NUDC: variants seen among roughly 807,000 people sequenced by gnomAD.
The protein encoded by NUDC is nuclear migration protein nudC.
A neutral mutation model predicts 45.0 loss-of-function variants in NUDC; 14 were observed. The observed-to-expected ratio is 0.31, with a 90% CI of 0.21 to 0.49. The LOEUF (loss-of-function observed/expected upper bound fraction) is 0.49, where lower values mean the gene tolerates loss of function less well. Among genes scored for constraint, NUDC ranks in the 20% least tolerant of loss-of-function variants. The pLI, the probability that NUDC is intolerant of heterozygous loss-of-function variation, is 0.99. For synonymous variants in NUDC, 153 were observed against 156.7 expected (o/e 0.98, Z 0.17); for missense variants, 323 against 426.2 (o/e 0.76, Z 2.13).
intron 2 of NUDC, chr1:26,911,118 T>C (rs2082023737): frequency 2.1e-6 from 1 of 471,122 alleles, no homozygotes; most frequent in African/African-American, 2.0e-5. Context: ...CTCTCTTTTG[T>C]CATCTGCAGG....
chr1:26,945,769 G>A (rs1363959160), intron 8 of NUDC, 83 bp downstream of exon 8: 6 of 970,318 alleles, frequency 6.2e-6, no homozygotes, highest in Admixed American at 1.7e-5. Flanking sequence ...GGATCACTGC[G>A]CTGCCTCAGG....
rs542382608 is a variant in NUDC at position 26,904,006 on chromosome 1, G to A, written c.-16+1640G>A. 2.1e-3 allele frequency among the ~76,000 whole-genome samples: 233 copies of A among 113,412 alleles called. 2 individuals carry two copies. Among genetic ancestry groups the A allele is most frequent in the African/African-American group, 5.9e-3 (196 of 33,204 alleles). The allele number at this position is 113,412 out of a possible 152,430, so 74.4% of individuals were successfully genotyped here. A position where few individuals can be genotyped will look rare whatever the true frequency, so the allele number is the denominator to read the frequency against. Reference sequence around the variant, plus strand: ...AGCCTGGGTGACAGAGCAAGACTCCGTCTCAAAATAAATAAATAAATAAAT... The same window carrying A: ...AGCCTGGGTGACAGAGCAAGACTCCATCTCAAAATAAATAAATAAATAAAT... On this transcript the variant is annotated intron_variant, in intron 2 of 6. Transcript: ENST00000435827.
At chr1:26,941,863 C>CTT (rs1163743324) in intron 4 of NUDC, 45 bp downstream of exon 4, 1 of 1,580,528 alleles carries the variant, frequency 6.3e-7, no homozygotes, top group South Asian at 1.1e-5. Flanking sequence ...GAGCTTGGAA[C>CTT]TTACAGGAAA....
chr1:26,907,447 G>A, intron 2 of NUDC, among the ~76,000 whole-genome samples: 1 of 152,186 alleles, frequency 6.6e-6, no homozygotes, highest in Non-Finnish European at 1.5e-5. Context: ...CCAGCATCTA[G>A]TACAGGGGTT....
rs2082274565 is a variant in NUDC at position 26,941,357 on chromosome 1, C to T, written c.160-100C>T. ...GGAAACCGAGTTTCTGGGTGCAGTG[C>T]TTTGCCCTTGCACCCAGCAGGTAGA... On this transcript the variant is annotated intron_variant, in intron 2 of 8. Transcript: ENST00000321265. 35 of 1,242,240 alleles carry T rather than the reference C, an allele frequency of 2.8e-5. 1 individual carries two copies. In the South Asian group the frequency reaches 4.3e-4, roughly 15 times the overall value. The allele number at this position is 1,242,240 out of a possible 1,614,324, so 77.0% of individuals were successfully genotyped here.
intron 6 of NUDC, 80 bp downstream of exon 6, chr1:26,943,145 C>A: frequency 7.1e-7 from 1 of 1,406,238 alleles, no homozygotes; most frequent in Non-Finnish European, 1.0e-6. Flanking sequence ...ACTCAGGAGC[C>A]ATGCTGGGGG....
At chr1:26,934,680 G>C (rs746611944) in intron 2 of NUDC, among the ~76,000 whole-genome samples, 161 of 146,856 alleles carry the variant, frequency 1.1e-3, no homozygotes, top group Non-Finnish European at 2.0e-3. Context: ...TTTTTTTTGA[G>C]ATGGAGTCTC....
chr1:26,922,043 C>G (rs967600989), intron 1 of NUDC, 114 bp downstream of exon 1: 2 of 1,090,168 alleles, frequency 1.8e-6, no homozygotes, highest in Non-Finnish European at 2.7e-6. Context: ...TCTGGGATGC[C>G]CCTACATTCT....
intron 2 of NUDC, among the ~76,000 whole-genome samples, chr1:26,933,110 A>G (rs2082197061): frequency 6.6e-6 from 1 of 151,404 alleles, no homozygotes; most frequent in Non-Finnish European, 1.5e-5. Flanking sequence ...TAATTTTTGT[A>G]TTTTTATTAG....
intron 2 of NUDC, among the ~76,000 whole-genome samples, chr1:26,925,557 A>AG (rs1468559703): frequency 2.0e-5 from 3 of 151,120 alleles, no homozygotes; most frequent in African/African-American, 7.3e-5. Flanking sequence ...AAAAAAAAAA[A>AG]AAAGAAATAA....
rs150378195 is a variant in NUDC at position 26,906,087 on chromosome 1, G to A, written c.-16+3721G>A. Among the ~76,000 whole-genome samples the A allele has an allele frequency of 5.9e-3, 898 of 152,268 alleles. 5 individuals carry two copies. The highest frequency in any genetic ancestry group is 0.021 in the African/African-American group (856 of 41,554). ...ACCTGAGGTTGGGAGCTTGAGACCA[G>A]CCTGACCAAATGTAGAAACCCCGTC... On this transcript the variant is annotated intron_variant, in intron 2 of 6. Coordinates refer to the NUDC transcript ENST00000435827.
intron 1 of NUDC, among the ~76,000 whole-genome samples, chr1:26,901,888 A>G (rs2081980896): frequency 6.6e-6 from 1 of 152,144 alleles, no homozygotes; most frequent in Non-Finnish European, 1.5e-5. Context: ...CACTTTGGCA[A>G]GCTGGTGTAG....
At chr1:26,939,552 A>G (rs537082880) in intron 2 of NUDC, among the ~76,000 whole-genome samples, 1 of 152,224 alleles carries the variant, frequency 6.6e-6, no homozygotes, top group East Asian at 1.9e-4. Flanking sequence ...ACCTTAGCCC[A>G]GGGAGGTCGA....
intron 2 of NUDC, among the ~76,000 whole-genome samples, chr1:26,929,180 C>T (rs2082158265): frequency 6.6e-6 from 1 of 152,118 alleles, no homozygotes. Flanking sequence ...TACAGTTGAT[C>T]CTTTGTATCC....
chr1:26,912,072 G>A (rs761897051), intron 3 of NUDC: 2 of 1,613,770 alleles, frequency 1.2e-6, no homozygotes, highest in East Asian at 2.2e-5. Context: ...GAGGCGGCTT[G>A]GAGGCCTGGC....
chr1:26,913,486 C>G, intron 3 of NUDC: 2 of 1,613,998 alleles, frequency 1.2e-6, no homozygotes, highest in South Asian at 1.1e-5. Flanking sequence ...GGACTCCAGA[C>G]AGCATTGAAG....
At chr1:26,919,074 A>G (rs1162546296), upstream of NUDC, among the ~76,000 whole-genome samples, 1 of 142,274 alleles carries the variant, frequency 7.0e-6, no homozygotes, top group Admixed American at 7.1e-5. Flanking sequence ...TACCACATCC[A>G]GCTACTTTTT....
chr1:26,900,832 G>A (rs2081975477), intron 1 of NUDC, among the ~76,000 whole-genome samples: 1 of 152,066 alleles, frequency 6.6e-6, no homozygotes, highest in Non-Finnish European at 1.5e-5. Flanking sequence ...CCACAAATCG[G>A]TAAGAAAAAG....
intron 2 of NUDC, among the ~76,000 whole-genome samples, chr1:26,904,080 AAAT>A (rs1306454562): frequency 7.5e-6 from 1 of 133,738 alleles, no homozygotes; most frequent in Admixed American, 7.5e-5. Context: ...ACAAAAATAA[AAAT>A]AAAAAAGTCT....
Sources: allele counts gnomAD v4.1 joint callset (sites outside exome capture counted in the v4.1 genomes callset), GRCh38; gene constraint gnomAD v4.1.1; transcripts MANE v1.5; gene names NCBI Gene and HGNC (gene_info 2026-07-23, HGNC 2026-07-21).